MAP4K4: variants seen among roughly 807,000 people sequenced by gnomAD.
MAP4K4 encodes the protein mitogen-activated protein kinase kinase kinase kinase 4.
In MAP4K4, 38 loss-of-function variants were observed where a neutral mutation model predicts 189.6. The ratio of observed to expected loss-of-function variants is 0.20; its 90% confidence interval spans 0.15 to 0.26. The LOEUF (loss-of-function observed/expected upper bound fraction) is 0.26. MAP4K4 is among the 10% of genes least tolerant of loss of function. The pLI, the probability that MAP4K4 is intolerant of heterozygous loss-of-function variation, is 1.00. For synonymous variants in MAP4K4, 610 were observed against 624.3 expected, an observed-to-expected ratio of 0.98 and a Z score of 0.34; for missense variants, 1,054 against 1,726.9, an observed-to-expected ratio of 0.61 and a Z score of 6.91.
chr2:101,805,072 C>CAAAAAAAAAAAAAAAAAAAAAAAAA (rs36081384), intron 3 of MAP4K4, among the ~76,000 whole-genome samples: 1 of 56,438 alleles, frequency 1.8e-5, no homozygotes, highest in African/African-American at 6.0e-5. Flanking sequence ...GACTCCAGAT[C>CAAAAAAAAAAAAAAAAAAAAAAAAA]AAAAAAAAAA....
At chr2:101,773,878 T>A (rs547807243) in intron 2 of MAP4K4, among the ~76,000 whole-genome samples, 1 of 152,338 alleles carries the variant, frequency 6.6e-6, no homozygotes, top group East Asian at 1.9e-4. Flanking sequence ...AACATAGTGA[T>A]CTCCAGTTCC....
At chr2:101,884,964 T>G (rs190145726) in intron 28 of MAP4K4, among the ~76,000 whole-genome samples, 3 of 152,308 alleles carry the variant, frequency 2.0e-5, no homozygotes, top group Admixed American at 2.0e-4. Flanking sequence ...ATAAGAAGAT[T>G]AGGATCATTA....
At position 101,839,837 on chromosome 2, in the gene MAP4K4, T is replaced by C. The variant is rs1461601953; in HGVS notation, c.792T>C (p.Ser264=). 6.9e-6 allele frequency: 11 copies of C among 1,588,700 alleles called. 1 individual carries two copies. The South Asian group carries it at 1.2e-4, about 17-fold the overall frequency. Reference sequence around the variant, plus strand: ...CTTACAGGTCGAAGAAGTTTTTTAGTTTTATAGAAGGGTGCCTGGTGAAGA... The same window carrying C: ...CTTACAGGTCGAAGAAGTTTTTTAGCTTTATAGAAGGGTGCCTGGTGAAGA... The change falls in exon 10 of 33, where the codon AGT becomes AGC. Residue 264 remains serine (S), a synonymous_variant. Coordinates refer to ENST00000324219, the Ensembl canonical transcript of MAP4K4.
intron 2 of MAP4K4, among the ~76,000 whole-genome samples, chr2:101,759,960 C>T (rs529122388): frequency 1.1e-3 from 168 of 151,758 alleles, no homozygotes; most frequent in Middle Eastern, 0.01. Context: ...TCTCCTACCT[C>T]GGCCTCCTGA....
intron 2 of MAP4K4, among the ~76,000 whole-genome samples, chr2:101,779,144 G>A (rs1275254221): frequency 6.6e-6 from 1 of 152,194 alleles, no homozygotes; most frequent in African/African-American, 2.4e-5. Flanking sequence ...CACACAGTGA[G>A]TGCTTCTTTA....
At chr2:101,760,500 C>A (rs1043293471) in intron 2 of MAP4K4, among the ~76,000 whole-genome samples, 16 of 91,092 alleles carry the variant, frequency 1.8e-4, no homozygotes, top group African/African-American at 9.0e-4. Context: ...AAAAAAAAAA[C>A]AAAATATATA....
intron 2 of MAP4K4, among the ~76,000 whole-genome samples, chr2:101,756,220 CAGGCGTGA>C (rs1381082923): frequency 6.6e-6 from 1 of 152,010 alleles, no homozygotes; most frequent in Non-Finnish European, 1.5e-5. Context: ...CTGGGATTAA[CAGGCGTGA>C]GCCACTGTGC....
intron 20 of MAP4K4, 159 bp downstream of exon 20, chr2:101,867,468 C>T (rs950150571): frequency 3.3e-6 from 2 of 598,398 alleles, no homozygotes; most frequent in Non-Finnish European, 5.9e-6. Flanking sequence ...TACTTGTTCC[C>T]TTCCATTGGT....
chr2:101,876,185 T>G (rs1217554345), intron 26 of MAP4K4, among the ~76,000 whole-genome samples: 17 of 151,922 alleles, frequency 1.1e-4, no homozygotes, highest in Admixed American at 1.1e-3. Flanking sequence ...CTGCAGTGGG[T>G]GGAAAGCAGG....
chr2:101,877,279 A>G (rs1350604582), intron 27 of MAP4K4, 133 bp downstream of exon 27: 5 of 879,374 alleles, frequency 5.7e-6, no homozygotes, highest in African/African-American at 1.7e-5. Context: ...AGACTTGACA[A>G]TAATGTGAGC....
intron 2 of MAP4K4, among the ~76,000 whole-genome samples, chr2:101,762,688 A>G (rs1188958244): frequency 6.6e-6 from 1 of 152,124 alleles, no homozygotes; most frequent in African/African-American, 2.4e-5. Context: ...TGCTGTGAAG[A>G]AACCCCCCAA....
At chr2:101,759,956 A>C (rs940434651) in intron 2 of MAP4K4, among the ~76,000 whole-genome samples, 1 of 151,236 alleles carries the variant, frequency 6.6e-6, no homozygotes, top group African/African-American at 2.4e-5. Context: ...TGATTCTCCT[A>C]CCTCGGCCTC....
At chr2:101,892,255 G>A (rs2098581853) in exon 33 of MAP4K4, 1 of 152,080 alleles carries the variant, frequency 6.6e-6, no homozygotes, top group South Asian at 2.1e-4. Flanking sequence ...TAGTTTATAT[G>A]TTTTTGGAAG....
intron 3 of MAP4K4, among the ~76,000 whole-genome samples, chr2:101,803,317 G>A (rs1474337683): frequency 1.3e-5 from 2 of 151,096 alleles, no homozygotes; most frequent in African/African-American, 4.9e-5. Context: ...GTGTCTGTCT[G>A]TGTGCACAGG....
chr2:101,850,947 G>GAA (rs2097264236), intron 12 of MAP4K4, among the ~76,000 whole-genome samples: 1 of 149,540 alleles, frequency 6.7e-6, no homozygotes, highest in Admixed American at 6.6e-5. Flanking sequence ...CATGACCGCA[G>GAA]AAGTTCTTGG....
At chr2:101,844,414 A>G (rs2097023187) in intron 12 of MAP4K4, 103 bp downstream of exon 12, 14 of 903,096 alleles carry the variant, frequency 1.6e-5, no homozygotes, top group South Asian at 5.1e-5. Context: ...TCCTGGGGTA[A>G]TACTTATCCC....
chr2:101,809,936 T>C (rs2095306472), intron 3 of MAP4K4, among the ~76,000 whole-genome samples: 1 of 152,256 alleles, frequency 6.6e-6, no homozygotes, highest in Non-Finnish European at 1.5e-5. Context: ...ATGCCAAATA[T>C]ACTTACTTGA....
At chr2:101,773,756 C>G (rs1056412529) in intron 2 of MAP4K4, among the ~76,000 whole-genome samples, 1 of 152,196 alleles carries the variant, frequency 6.6e-6, no homozygotes, top group African/African-American at 2.4e-5. Context: ...TTCCCAGCCT[C>G]TGGTAACCAT....
intron 31 of MAP4K4, 110 bp downstream of exon 31, chr2:101,888,047 T>C (rs1233700179): frequency 1.1e-6 from 1 of 935,922 alleles, no homozygotes; most frequent in Admixed American, 2.6e-5. Context: ...TGACTACCAT[T>C]GAACAGAGTA....
Sources: gnomAD v4.1 joint callset for allele counts (sites outside exome capture counted in the v4.1 genomes callset) on GRCh38, gnomAD v4.1.1 for gene constraint, MANE v1.5 for transcripts, NCBI Gene and HGNC (gene_info 2026-07-23, HGNC 2026-07-21) for gene names.